Variants in LINGO2 observed in about 807,000 individuals in gnomAD.
The protein encoded by LINGO2 is leucine-rich repeat and immunoglobulin-like domain-containing nogo receptor-interacting protein 2.
Under a neutral mutation model 30.6 loss-of-function variants are expected in LINGO2, and 14 were observed. That is an observed-to-expected ratio of 0.46 (90% CI 0.30 to 0.72). The LOEUF is 0.72. Among genes scored for constraint, LINGO2 ranks in the 30% least tolerant of loss-of-function variants. The pLI is 0.07. For synonymous variants in LINGO2, 317 were observed against 288.5 expected (o/e 1.10, Z -1.00); for missense variants, 729 against 751.7 (o/e 0.97, Z 0.35).
intron 4 of LINGO2, among the ~76,000 whole-genome samples, chr9:28,072,646 C>G (rs1825513286): frequency 6.6e-6 from 1 of 152,142 alleles, no homozygotes; most frequent in Admixed American, 6.6e-5. Context: ...AGCAGAAATT[C>G]TCCCTCTGAT....
intron 3 of LINGO2, among the ~76,000 whole-genome samples, chr9:28,300,007 T>C (rs1012069638): frequency 6.6e-6 from 1 of 152,070 alleles, no homozygotes; most frequent in Non-Finnish European, 1.5e-5. Flanking sequence ...GTAGGTTTTA[T>C]TTCATAAAGA....
At chr9:27,954,464 G>A (rs866882998) in intron 5 of LINGO2, among the ~76,000 whole-genome samples, 4 of 152,050 alleles carry the variant, frequency 2.6e-5, no homozygotes, top group Non-Finnish European at 4.4e-5. Flanking sequence ...TTCTGTGCTC[G>A]GCTTAATTCA....
intron 1 of LINGO2, among the ~76,000 whole-genome samples, chr9:28,561,093 G>T (rs1429476822): frequency 6.6e-6 from 1 of 152,000 alleles, no homozygotes; most frequent in African/African-American, 2.4e-5. Context: ...GGCAAGTGAG[G>T]AAAGAAGGAG....
chr9:28,905,468 CT>C, the LINGO2 span, among the ~76,000 whole-genome samples: 1 of 151,576 alleles, frequency 6.6e-6, no homozygotes, highest in Non-Finnish European at 1.5e-5. Context: ...AATAATGTGA[CT>C]AAAAATAGGC....
chr9:28,960,636 T>C, the LINGO2 span, among the ~76,000 whole-genome samples: 223 of 41,926 alleles, frequency 5.3e-3, 4 homozygotes, highest in African/African-American at 0.012. Flanking sequence ...TTTAAAGTAT[T>C]CTGATATTAT....
intron 1 of LINGO2, among the ~76,000 whole-genome samples, chr9:28,557,897 C>A (rs1016287609): frequency 6.7e-6 from 1 of 148,724 alleles, no homozygotes; most frequent in Non-Finnish European, 1.5e-5. Context: ...ATCGCAAGGA[C>A]AAAAAACCAA....
intron 5 of LINGO2, among the ~76,000 whole-genome samples, chr9:27,961,170 G>GT (rs1819826502): frequency 6.6e-6 from 1 of 152,084 alleles, no homozygotes; most frequent in South Asian, 2.1e-4. Context: ...CACCTTTAGG[G>GT]TAATGTAAGT....
chr9:28,219,313 T>C (rs146676622), intron 4 of LINGO2, among the ~76,000 whole-genome samples: 1 of 152,330 alleles, frequency 6.6e-6, no homozygotes, highest in East Asian at 1.9e-4. Flanking sequence ...GCATACTTGC[T>C]CTTTCTTTAG....
chr9:28,228,745 T>C (rs1219191240), intron 4 of LINGO2, among the ~76,000 whole-genome samples: 1 of 151,702 alleles, frequency 6.6e-6, no homozygotes, highest in Non-Finnish European at 1.5e-5. Context: ...CAAAACTAAA[T>C]GGGTCAAAAT....
chr9:29,073,998 T>A, the LINGO2 span, among the ~76,000 whole-genome samples: 3 of 151,422 alleles, frequency 2.0e-5, no homozygotes, highest in Non-Finnish European at 4.4e-5. Flanking sequence ...ATATGATACA[T>A]CTTGGATTTT....
chr9:28,739,397 C>G, the LINGO2 span, among the ~76,000 whole-genome samples: 4 of 151,658 alleles, frequency 2.6e-5, no homozygotes, highest in South Asian at 8.4e-4. Context: ...GAACAACAGC[C>G]AAAAAGCTAT....
intron 4 of LINGO2, among the ~76,000 whole-genome samples, chr9:28,199,601 G>A (rs1820154774): frequency 6.6e-6 from 1 of 152,118 alleles, no homozygotes; most frequent in African/African-American, 2.4e-5. Context: ...GCCCCCCAAA[G>A]TGTTGGGATT....
the LINGO2 span, among the ~76,000 whole-genome samples, chr9:28,746,422 C>A: frequency 1.5e-4 from 23 of 151,930 alleles, no homozygotes; most frequent in Non-Finnish European, 2.5e-4. Context: ...GACAATCCTG[C>A]TTTTCATATG....
the LINGO2 span, among the ~76,000 whole-genome samples, chr9:29,030,177 C>T: frequency 6.6e-6 from 1 of 151,976 alleles, no homozygotes; most frequent in Non-Finnish European, 1.5e-5. Flanking sequence ...ATACTTTAAG[C>T]TGTAACATAT....
chr9:28,168,213 C>T (rs1828486306), intron 4 of LINGO2, among the ~76,000 whole-genome samples: 1 of 152,156 alleles, frequency 6.6e-6, no homozygotes, highest in Admixed American at 6.5e-5. Flanking sequence ...AGATCTACTC[C>T]CGGATATTTT....
chr9:27,974,776 GAA>G (rs1301247756), intron 5 of LINGO2, among the ~76,000 whole-genome samples: 2 of 151,732 alleles, frequency 1.3e-5, no homozygotes, highest in Non-Finnish European at 2.9e-5. Context: ...GATGAGAAAA[GAA>G]AAAAAAGTTT....
At chr9:28,512,672 T>TCTAG (rs1272365145) in intron 1 of LINGO2, among the ~76,000 whole-genome samples, 1 of 138,110 alleles carries the variant, frequency 7.2e-6, no homozygotes, top group African/African-American at 3.0e-5. Flanking sequence ...CATATGGATA[T>TCTAG]CTATCTATCT....
the LINGO2 span, among the ~76,000 whole-genome samples, chr9:29,136,973 A>T: frequency 6.6e-6 from 1 of 152,166 alleles, no homozygotes; most frequent in Non-Finnish European, 1.5e-5. Context: ...CTATCCTACA[A>T]TTCCAATTAT....
chr9:27,977,763 C>T (rs1000546571), intron 5 of LINGO2, among the ~76,000 whole-genome samples: 2 of 150,620 alleles, frequency 1.3e-5, no homozygotes, highest in African/African-American at 4.9e-5. Context: ...GACAACCTCA[C>T]GTTGGCAAAA....
Sources: allele counts gnomAD v4.1 joint callset (sites outside exome capture counted in the v4.1 genomes callset), GRCh38; gene constraint gnomAD v4.1.1; transcripts MANE v1.5; gene names NCBI Gene and HGNC (gene_info 2026-07-23, HGNC 2026-07-21).